CR1: variants seen among roughly 807,000 people sequenced by gnomAD.
The protein encoded by CR1 is complement receptor type 1.
Under a neutral mutation model 187.3 loss-of-function variants are expected in CR1, and 116 were observed. The observed-to-expected ratio is 0.62, with a 90% CI of 0.53 to 0.72. CR1 has a LOEUF of 0.72. CR1 is among the 30% of genes least tolerant of loss of function. CR1 has a pLI of 0.00. For synonymous variants in CR1, 576 were observed against 747.1 expected (o/e 0.77, Z 3.73); for missense variants, 1,731 against 2,110.7 (o/e 0.82, Z 3.52).
chr1:207,567,192 G>A (rs1303012646), intron 24 of CR1, among the ~76,000 whole-genome samples: 2 of 149,226 alleles, frequency 1.3e-5, no homozygotes, highest in Non-Finnish European at 1.5e-5. Flanking sequence ...CTGACCCAGA[G>A]AGTAAAAAGA....
intron 46 of CR1, among the ~76,000 whole-genome samples, chr1:207,633,201 C>A (rs1662704439): frequency 6.6e-6 from 1 of 152,148 alleles, no homozygotes; most frequent in African/African-American, 2.4e-5. Flanking sequence ...CAACTCTAGT[C>A]CAAAATGATA....
At position 207,621,939 on chromosome 1, in the gene CR1, G is replaced by A. The variant is rs1410930094; in HGVS notation, c.7253-34G>A. ...TCCTGTTCAATCATGTTGCATGCCA[G>A]AGTGATGTTTTGTGACTTTTGTCTT... On this transcript the variant is annotated intron_variant, in intron 43 of 46. Coordinates refer to ENST00000367049, the MANE Select transcript of CR1 (RefSeq NM_000651.6). 6 of 1,573,674 alleles carry A rather than the reference G, an allele frequency of 3.8e-6. No homozygotes were observed. The South Asian group carries it at 5.7e-5, about 15-fold the overall frequency.
intron 41 of CR1, among the ~76,000 whole-genome samples, chr1:207,617,577 GTATATATATATATATATATA>G (rs747792167): frequency 6.4e-5 from 3 of 47,186 alleles, no homozygotes; most frequent in East Asian, 6.2e-4. Context: ...ATGTGTGTGT[GTATATATATATATATATATA>G]TATATATATA....
At chr1:207,609,203 G>A in intron 36 of CR1, 87 bp from the exon 37 acceptor site, 1 of 1,222,794 alleles carries the variant, frequency 8.2e-7, no homozygotes, top group African/African-American at 1.5e-5. Context: ...AAAATCATTG[G>A]ATTATTTGCA....
intron 35 of CR1, among the ~76,000 whole-genome samples, chr1:207,592,253 A>C (rs1309939875): frequency 6.6e-6 from 1 of 152,234 alleles, no homozygotes; most frequent in African/African-American, 2.4e-5. Context: ...ACAACGATCA[A>C]GCTGGCTTCA....
chr1:207,577,784 A>C (rs1660800311), intron 28 of CR1, 21 bp from the exon 29 acceptor site: 1 of 1,613,228 alleles, frequency 6.2e-7, no homozygotes, highest in Non-Finnish European at 8.5e-7. Flanking sequence ...TGTTTTGGTT[A>C]ACTTGCTGTC....
chr1:207,509,058 A>G (rs1379290796), intron 3 of CR1, among the ~76,000 whole-genome samples: 1 of 152,248 alleles, frequency 6.6e-6, no homozygotes, highest in African/African-American at 2.4e-5. Flanking sequence ...TTTAAGGTTG[A>G]AAATGTGCTA....
At chr1:207,634,980 G>C (rs1255104244) in intron 46 of CR1, among the ~76,000 whole-genome samples, 1 of 152,174 alleles carries the variant, frequency 6.6e-6, no homozygotes, top group African/African-American at 2.4e-5. Context: ...AAAAGGAAAA[G>C]GTCAAGTTAA....
chr1:207,513,302 G>T (rs1415381543), intron 4 of CR1, among the ~76,000 whole-genome samples: 3 of 152,198 alleles, frequency 2.0e-5, no homozygotes, highest in Non-Finnish European at 4.4e-5. Flanking sequence ...CTGGGACTCT[G>T]CCACCCTGAG....
In CR1 at chr1:207,564,032, C is replaced by G. The variant is rs745791931; in HGVS notation, c.3755C>G (p.Thr1252Arg). Residue 1252 changes from threonine (T) to arginine (R), a missense_variant, in exon 22 of 47, where the codon ACA (threonine) becomes AGA (arginine). Coordinates refer to ENST00000367049, the MANE Select transcript of CR1 (RefSeq NM_000651.6). Reference sequence around the variant, plus strand: ...GGAGACTGGAGCCCTGCAGCCCCCACATGTGAAGGTGACTAGACTCTTATC... The same window carrying G: ...GGAGACTGGAGCCCTGCAGCCCCCAGATGTGAAGGTGACTAGACTCTTATC... The part of the protein sequence containing the change: ...PQGDWSPAAP[T>R]CEVKSCDDFM... 5 of 1,519,882 alleles carry G rather than the reference C, an allele frequency of 3.3e-6. 1 individual carries two copies. The highest frequency in any genetic ancestry group is 2.6e-6 in the Non-Finnish European group (3 of 1,147,636). The allele number at this position is 1,519,882 out of a possible 1,614,324, so 94.1% of individuals were successfully genotyped here.
At position 207,577,939 on chromosome 1, in the gene CR1, G is replaced by T; in HGVS notation, c.4672G>T (p.Val1558Leu). The T allele has an allele frequency of 9.9e-6, 16 of 1,612,164 alleles. No individual in the cohort carries two copies. The highest frequency in any genetic ancestry group is 1.4e-5 in the Non-Finnish European group (16 of 1,179,744). The change falls in exon 29 of 47, where the codon GTG becomes TTG. Residue 1558 changes from valine (V) to leucine (L), a missense_variant. Physicochemically the swap from Val to Leu is conservative, Grantham distance 32 (BLOSUM62 1). Around this residue, in one of 5 missense-constraint regions of CR1, gnomAD observed 1,312 missense variants for 1,379.6 expected, o/e 0.95. Transcript: ENST00000367049. ...GSRGRKVFEL[V>L]GEPSIYCTSN... ...CAGAGGGAGAAAGGTGTTTGAGCTTGTGGGTGAGCCCTCCATATACTGCAC... is the reference window on the plus strand; with the variant it reads ...CAGAGGGAGAAAGGTGTTTGAGCTTTTGGGTGAGCCCTCCATATACTGCAC...
chr1:207,496,452 A>G, intron 1 of CR1, 64 bp downstream of exon 1: 1 of 1,507,178 alleles, frequency 6.6e-7, no homozygotes, highest in Non-Finnish European at 8.9e-7. Context: ...CCCGCAGAGA[A>G]CTCGCGTGCA....
chr1:207,516,450 A>G (rs570476129), intron 4 of CR1, among the ~76,000 whole-genome samples: 1 of 152,336 alleles, frequency 6.6e-6, no homozygotes, highest in South Asian at 2.1e-4. Context: ...AACTATGTGC[A>G]TCTTCAAGAT....
chr1:207,593,362 A>T (rs1467688644), intron 35 of CR1, among the ~76,000 whole-genome samples: 2 of 152,230 alleles, frequency 1.3e-5, no homozygotes, highest in African/African-American at 4.8e-5. Flanking sequence ...TGGGGAAAGG[A>T]TTCCCTATTT....
intron 30 of CR1, 39 bp downstream of exon 30, chr1:207,580,455 C>A (rs774658232): frequency 6.2e-7 from 1 of 1,608,670 alleles, no homozygotes; most frequent in South Asian, 1.1e-5. Context: ...CTCTCTTTAC[C>A]CCACACATGG....
intron 29 of CR1, 145 bp downstream of exon 29, chr1:207,578,348 T>G: frequency 6.6e-7 from 1 of 1,519,520 alleles, no homozygotes; most frequent in Non-Finnish European, 8.9e-7. Context: ...AAATTAAGAA[T>G]TGGGGGTGTG....
rs1321390857 is a variant in CR1, at chr1:207,584,875, T to G, written c.5529T>G (p.Ala1843=). The change falls in exon 33 of 47, where the codon GCT becomes GCG. Residue 1843 remains alanine (A), a splice_region_variant and synonymous_variant. Transcript: ENST00000367049. The part of the protein sequence containing the change: ...PAPRCELSVR[A]GHCKTPEQFP... The stretch of plus-strand genomic sequence containing the variant: ...CTCGCTGTGAACTTTCTGTTCGTGC[T>G]GGTCAGTATCCACTTCCACATATCC... The G allele has an allele frequency of 6.2e-6, 10 of 1,613,846 alleles. 1 individual carries two copies. The South Asian group carries it at 1.1e-4, about 18-fold the overall frequency.
At chr1:207,592,830 A>G (rs1050339259) in intron 35 of CR1, among the ~76,000 whole-genome samples, 1 of 152,162 alleles carries the variant, frequency 6.6e-6, no homozygotes, top group African/African-American at 2.4e-5. Context: ...TCATGAGTGA[A>G]CTCCCATTCT....
rs1051264001 is a variant in CR1 at position 207,639,773 on chromosome 1, T to C, written c.*364T>C. 3 of 177,328 alleles carry C rather than the reference T, an allele frequency of 1.7e-5. No homozygotes were observed. Among genetic ancestry groups the C allele is most frequent in the African/African-American group, 7.1e-5 (3 of 42,504 alleles). The allele number at this position is 177,328 out of a possible 1,614,324, so 11.0% of individuals were successfully genotyped here. The stretch of plus-strand genomic sequence containing the variant: ...GTTCTTTTTTAAAATATTTGTAATA[T>C]GGAATGGGCTCAGTAAGAAGAGCTT... On this transcript the variant is annotated 3_prime_UTR_variant, in exon 47 of 47. Coordinates refer to ENST00000367049, the MANE Select transcript of CR1 (RefSeq NM_000651.6).
Sources: gnomAD v4.1 joint callset for allele counts (sites outside exome capture counted in the v4.1 genomes callset) on GRCh38, gnomAD v4.1.1 for gene constraint, gnomAD v4.1.1 regional missense constraint, MANE v1.5 for transcripts, NCBI Gene and HGNC (gene_info 2026-07-23, HGNC 2026-07-21) for gene names.